The following RTCA variants were observed in gnomAD, a reference collection of about 807,000 sequenced individuals.
The protein encoded by RTCA is RNA 3'-terminal phosphate cyclase.
RTCA carries 37 observed loss-of-function variants against 46.1 expected under a neutral mutation model. The observed-to-expected ratio is 0.80, with a 90% CI of 0.62 to 1.06. RTCA has a LOEUF of 1.06. Ranked by LOEUF, RTCA falls within the 50% of genes least tolerant of loss-of-function variation. RTCA has a pLI of 0.00. For synonymous variants in RTCA, 164 were observed against 158.3 expected (o/e 1.04, Z -0.27); for missense variants, 435 against 455.5 (o/e 0.95, Z 0.41).
chr1:100,284,640 C>T (rs933842401), intron 8 of RTCA, among the ~76,000 whole-genome samples: 10 of 152,144 alleles, frequency 6.6e-5, no homozygotes, highest in African/African-American at 2.2e-4. Flanking sequence ...GTGATCCATC[C>T]GCCTCAGCCT....
At chr1:100,277,170 A>G (rs758557309) in intron 7 of RTCA, 88 bp from the exon 8 acceptor site, 24 of 1,247,540 alleles carry the variant, frequency 1.9e-5, no homozygotes, top group Non-Finnish European at 2.7e-5. Context: ...AGTTCTGCCT[A>G]TTTAATAGTC....
chr1:100,285,499 G>C (rs10875286), intron 9 of RTCA, among the ~76,000 whole-genome samples, 177 bp downstream of exon 9: 114,515 of 152,130 alleles, frequency 0.75, 44,840 homozygotes, highest in East Asian at 0.95. Flanking sequence ...TTTACTTTAC[G>C]TGTCTACAGT....
At chr1:100,266,855 A>G in intron 2 of RTCA, 1 of 541,036 alleles carries the variant, frequency 1.8e-6, no homozygotes, top group Non-Finnish European at 3.3e-6. Flanking sequence ...TTGACTAAAT[A>G]GTGTCATTTG....
rs562059103 is a variant in RTCA, at chr1:100,268,557, C to T, written c.290+262C>T. ...ACCATAGGCACACAGCACCATGCCCCGCTAATTTTTGTATTTTTTAAAGAG... is the reference window on the plus strand; with the variant it reads ...ACCATAGGCACACAGCACCATGCCCTGCTAATTTTTGTATTTTTTAAAGAG... On this transcript the variant is annotated intron_variant, in intron 3 of 10. Transcript: ENST00000370128. Among the ~76,000 whole-genome samples, 9 of 152,112 alleles carry T rather than the reference C, an allele frequency of 5.9e-5. No individual in the cohort carries two copies. In the South Asian group the frequency reaches 6.2e-4, roughly 11 times the overall value.
chr1:100,291,476 G>A lies in RTCA; in HGVS notation c.1073G>A (p.Gly358Glu), dbSNP rs773325221. Residue 358 changes from glycine to glutamate, a missense_variant, in exon 11 of 11, where the codon GGA (glycine) becomes GAA (glutamate). Gly to Glu is a moderately conservative substitution (Grantham distance 98). Coordinates refer to ENST00000370128, the MANE Select transcript of RTCA (RefSeq NM_003729.4). ...AKDTYIIECQ[G>E]IGMTNPNL ...GATACTTATATTATTGAATGCCAAG[G>A]AATTGGGATGACAAATCCAAATCTA... 1.2e-6 allele frequency: 2 copies of A among 1,610,310 alleles called. No individual in the cohort carries two copies. The highest frequency in any genetic ancestry group is 2.2e-5 in the East Asian group (1 of 44,768).
At chr1:100,276,084 C>T (rs990889947) in intron 7 of RTCA, among the ~76,000 whole-genome samples, 1 of 152,062 alleles carries the variant, frequency 6.6e-6, no homozygotes, top group Admixed American at 6.5e-5. Context: ...ATCCACCTGC[C>T]TTGGCCTCCC....
At chr1:100,271,972 T>G (rs1453609889) in intron 4 of RTCA, among the ~76,000 whole-genome samples, 3 of 152,322 alleles carry the variant, frequency 2.0e-5, no homozygotes, top group Non-Finnish European at 2.9e-5. Context: ...TTGCTCTCCA[T>G]AATACATTTG....
intron 10 of RTCA, among the ~76,000 whole-genome samples, chr1:100,290,152 A>G (rs900488378): frequency 1.3e-5 from 2 of 152,232 alleles, no homozygotes; most frequent in African/African-American, 2.4e-5. Flanking sequence ...AAACATTACT[A>G]TTCATTCAGT....
chr1:100,286,220 A>AG (rs1667014617), intron 9 of RTCA, among the ~76,000 whole-genome samples: 1 of 152,056 alleles, frequency 6.6e-6, no homozygotes, highest in South Asian at 2.1e-4. Context: ...TGGGAGGCCG[A>AG]GGTGGGCGGA....
chr1:100,266,234 G>T lies in RTCA; in HGVS notation c.-142G>T. The T allele has an allele frequency of 1.0e-6, 1 of 999,450 alleles. No individual in the cohort carries two copies. 61.9% of individuals were successfully genotyped at this position (999,450 alleles called of 1,614,324 possible). A position where few individuals can be genotyped will look rare whatever the true frequency, so the allele number is the denominator to read the frequency against. ...TGACTCCAGTGTCCCGAGAGGCGCC[G>T]CTTCTTCCGCTTTCTCGTCAGGCTC... On this transcript the variant is annotated 5_prime_UTR_variant, in exon 1 of 11. Transcript: ENST00000370128.
Position 100,266,517 on chromosome 1 carries a change from T to A in RTCA, c.46-7T>A, listed in dbSNP as rs1438179137. ...CTTCTCTTCTCCCTGTACCCCAACC[T>A]TTGCAGGGCGGCCAGATCCTGAGAG... On this transcript the variant is annotated splice_polypyrimidine_tract_variant and splice_region_variant and intron_variant, in intron 1 of 10. Coordinates refer to ENST00000370128, the MANE Select transcript of RTCA (RefSeq NM_003729.4). The A allele has an allele frequency of 6.2e-7, 1 of 1,612,500 alleles. No homozygotes were observed.
chr1:100,270,537 C>A lies in RTCA; in HGVS notation c.291-20C>A. ...TGCAGAAAAGAAAATGAAAATAAGC[C>A]CCTTCTGCCTTCTCCTTAGGAGTGT... On this transcript the variant is annotated intron_variant, in intron 3 of 10. Transcript: ENST00000370128. 1.2e-6 allele frequency: 2 copies of A among 1,602,126 alleles called. No homozygotes were observed. Among genetic ancestry groups the A allele is most frequent in the Non-Finnish European group, 1.7e-6 (2 of 1,176,286 alleles).
chr1:100,266,906 G>A (rs1665813533), intron 2 of RTCA: 1 of 456,294 alleles, frequency 2.2e-6, no homozygotes, highest in Non-Finnish European at 4.0e-6. Context: ...ACCTCACCGG[G>A]CATTCCAAAT....
At chr1:100,268,003 C>A in intron 2 of RTCA, 149 bp from the exon 3 acceptor site, 1 of 1,158,600 alleles carries the variant, frequency 8.6e-7, no homozygotes, top group Non-Finnish European at 1.2e-6. Context: ...GCATAAAAAC[C>A]CAAAAGGAAG....
At chr1:100,274,702 A>G in intron 5 of RTCA, 122 bp from the exon 6 acceptor site, 1 of 1,109,398 alleles carries the variant, frequency 9.0e-7, no homozygotes, top group Non-Finnish European at 1.2e-6. Context: ...CAGACCTAAA[A>G]TATTTAGACC....
intron 8 of RTCA, among the ~76,000 whole-genome samples, chr1:100,282,927 C>A (rs1054129635): frequency 3.3e-5 from 5 of 152,150 alleles, no homozygotes; most frequent in African/African-American, 1.2e-4. Flanking sequence ...CCACCACAGA[C>A]TCCCGAGTAG....
intron 6 of RTCA, 120 bp downstream of exon 6, chr1:100,275,085 C>T: frequency 9.3e-7 from 1 of 1,073,548 alleles, no homozygotes; most frequent in East Asian, 2.6e-5. Flanking sequence ...AAATAATGTC[C>T]TTTGTGGCAA....
At chr1:100,282,694 G>A (rs1251989624) in intron 8 of RTCA, among the ~76,000 whole-genome samples, 2 of 147,426 alleles carry the variant, frequency 1.4e-5, no homozygotes, top group Non-Finnish European at 3.0e-5. Flanking sequence ...AGCTTTTCAA[G>A]TGGCAGTATG....
At chr1:100,286,379 G>A (rs1211648484) in intron 9 of RTCA, among the ~76,000 whole-genome samples, 1 of 151,134 alleles carries the variant, frequency 6.6e-6, no homozygotes, top group Non-Finnish European at 1.5e-5. Flanking sequence ...GCGTGAACCT[G>A]GGAGGCGGAG....
Sources: gnomAD v4.1 joint callset for allele counts (sites outside exome capture counted in the v4.1 genomes callset) on GRCh38, gnomAD v4.1.1 for gene constraint, MANE v1.5 for transcripts, NCBI Gene and HGNC (gene_info 2026-07-23, HGNC 2026-07-21) for gene names.